CHST8: variants seen among roughly 807,000 people sequenced by gnomAD.
The protein encoded by CHST8 is GALNAC-4-ST1.
Under a neutral mutation model 15.0 loss-of-function variants are expected in CHST8, and 10 were observed. The ratio of observed to expected loss-of-function variants is 0.67; its 90% CI spans 0.41 to 1.13. The LOEUF (loss-of-function observed/expected upper bound fraction) is 1.13, where lower values mean the gene tolerates loss of function less well. CHST8 is among the 50% of genes most tolerant of loss of function. CHST8 has a pLI of 0.00. For synonymous variants in CHST8, 259 were observed against 256.6 expected, an observed-to-expected ratio of 1.01 and a Z score of -0.09; for missense variants, 634 against 608.2, an observed-to-expected ratio of 1.04 and a Z score of -0.45.
At chr19:33,627,550 C>T (rs533405072) in intron 1 of CHST8, among the ~76,000 whole-genome samples, 3 of 152,290 alleles carry the variant, frequency 2.0e-5, no homozygotes, top group East Asian at 1.9e-4. Context: ...GTCTTACATC[C>T]GCACTCCGCA....
intron 3 of CHST8, among the ~76,000 whole-genome samples, chr19:33,761,068 C>T (rs1426757439): frequency 6.6e-6 from 1 of 152,200 alleles, no homozygotes. Context: ...GTCTTGCTGT[C>T]AACATCCCAC....
intron 3 of CHST8, among the ~76,000 whole-genome samples, chr19:33,710,645 GGCTA>G (rs1973530583): frequency 6.6e-6 from 1 of 151,964 alleles, no homozygotes; most frequent in Non-Finnish European, 1.5e-5. Flanking sequence ...CACAACCTTG[GGCTA>G]GCTAAGATTT....
chr19:33,757,337 G>T (rs1974566007), intron 3 of CHST8, among the ~76,000 whole-genome samples: 1 of 148,488 alleles, frequency 6.7e-6, no homozygotes, highest in Non-Finnish European at 1.5e-5. Flanking sequence ...CCAAAACCAT[G>T]CCACTGCACT....
chr19:33,699,153 A>G (rs1166322612), intron 3 of CHST8, among the ~76,000 whole-genome samples: 3 of 152,208 alleles, frequency 2.0e-5, no homozygotes, highest in Non-Finnish European at 4.4e-5. Flanking sequence ...TGCCAGCCAC[A>G]GGGAGAGATC....
intron 3 of CHST8, among the ~76,000 whole-genome samples, chr19:33,718,802 G>A (rs576096178): frequency 2.0e-3 from 298 of 152,330 alleles, no homozygotes; most frequent in Non-Finnish European, 3.4e-3. Context: ...GCCAGCATGA[G>A]GCTGGCCCTG....
intron 2 of CHST8, among the ~76,000 whole-genome samples, chr19:33,686,276 G>T (rs1229090493): frequency 6.6e-6 from 1 of 152,164 alleles, no homozygotes; most frequent in African/African-American, 2.4e-5. Context: ...CCCCTTCCTG[G>T]ATTTGGGGGC....
At chr19:33,695,050 G>A (rs1196476280) in intron 3 of CHST8, among the ~76,000 whole-genome samples, 4 of 151,850 alleles carry the variant, frequency 2.6e-5, no homozygotes. Flanking sequence ...TGACCTCCTG[G>A]GCTCGAGTGA....
At chr19:33,707,533 T>G (rs1035289220) in intron 3 of CHST8, among the ~76,000 whole-genome samples, 4 of 152,234 alleles carry the variant, frequency 2.6e-5, no homozygotes, top group Non-Finnish European at 5.9e-5. Context: ...CATATCTGGT[T>G]TCTTTCACTC....
chr19:33,756,959 C>T (rs1974558385), intron 3 of CHST8, among the ~76,000 whole-genome samples: 1 of 152,160 alleles, frequency 6.6e-6, no homozygotes, highest in Admixed American at 6.5e-5. Context: ...GAGGCAGCCC[C>T]GTCTGGCATG....
chr19:33,666,285 G>C (rs369630002), intron 1 of CHST8, among the ~76,000 whole-genome samples: 37 of 152,316 alleles, frequency 2.4e-4, no homozygotes, highest in African/African-American at 8.2e-4. Context: ...GGCTGAGTGT[G>C]AGCATGTGTG....
chr19:33,767,538 C>G (rs1214959354), intron 3 of CHST8, among the ~76,000 whole-genome samples: 1 of 152,238 alleles, frequency 6.6e-6, no homozygotes, highest in East Asian at 1.9e-4. Flanking sequence ...ACACATTTGG[C>G]AGTGCCCATA....
At chr19:33,692,024 G>A (rs1436840962) in intron 3 of CHST8, among the ~76,000 whole-genome samples, 1 of 152,088 alleles carries the variant, frequency 6.6e-6, no homozygotes, top group Non-Finnish European at 1.5e-5. Context: ...TCCCTCCCAC[G>A]CAGCCACCGG....
chr19:33,711,340 G>A (rs1973545188), intron 3 of CHST8, among the ~76,000 whole-genome samples: 1 of 152,180 alleles, frequency 6.6e-6, no homozygotes, highest in Admixed American at 6.5e-5. Flanking sequence ...CCACAGTGCT[G>A]AGCTGGAAGT....
At chr19:33,626,798 T>C (rs905350756) in intron 1 of CHST8, among the ~76,000 whole-genome samples, 1 of 150,342 alleles carries the variant, frequency 6.7e-6, no homozygotes, top group African/African-American at 2.4e-5. Context: ...TTTTTTTTTT[T>C]TCTTTTTAGA....
chr19:33,706,338 C>T (rs1437186505), intron 3 of CHST8, among the ~76,000 whole-genome samples: 1 of 152,120 alleles, frequency 6.6e-6, no homozygotes, highest in Non-Finnish European at 1.5e-5. Context: ...AGTCAGGTGC[C>T]CATGTGTGTG....
At chr19:33,648,813 T>A (rs945566759) in intron 1 of CHST8, among the ~76,000 whole-genome samples, 15 of 134,812 alleles carry the variant, frequency 1.1e-4, no homozygotes, top group African/African-American at 4.0e-4. Context: ...AACCCAAATA[T>A]CCATCAATAG....
intron 3 of CHST8, among the ~76,000 whole-genome samples, chr19:33,748,929 G>C (rs975801851): frequency 1.3e-5 from 2 of 152,162 alleles, no homozygotes; most frequent in African/African-American, 4.8e-5. Context: ...GGCTCACTCG[G>C]AGGAGAGCCT....
At chr19:33,689,595 G>A (rs1400521914) in intron 3 of CHST8, among the ~76,000 whole-genome samples, 1 of 152,242 alleles carries the variant, frequency 6.6e-6, no homozygotes, top group Admixed American at 6.5e-5. Flanking sequence ...CCTCCAGCCA[G>A]TGCCTAGCAG....
At chr19:33,748,796 C>T (rs1486924280) in intron 3 of CHST8, among the ~76,000 whole-genome samples, 2 of 152,198 alleles carry the variant, frequency 1.3e-5, no homozygotes, top group African/African-American at 2.4e-5. Context: ...CAGCTCAGAT[C>T]CTCAGTGTCT....
Sources: allele counts gnomAD v4.1 joint callset (sites outside exome capture counted in the v4.1 genomes callset), GRCh38; gene constraint gnomAD v4.1.1; transcripts MANE v1.5; gene names NCBI Gene and HGNC (gene_info 2026-07-23, HGNC 2026-07-21).